The following ERGIC1 variants were observed in gnomAD, a reference collection of about 807,000 sequenced individuals.
ERGIC1 encodes endoplasmic reticulum-golgi intermediate compartment 1, also known as endoplasmic reticulum-Golgi intermediate compartment protein 1.
In ERGIC1, 19 loss-of-function variants were observed where a neutral mutation model predicts 38.3. The observed-to-expected ratio is 0.50, with a 90% CI of 0.35 to 0.73. ERGIC1 has a LOEUF of 0.73. Among genes scored for constraint, ERGIC1 ranks in the 30% least tolerant of loss-of-function variants. ERGIC1 has a pLI of 0.01. For missense variants in ERGIC1, 294 were observed against 389.2 expected (o/e 0.76, Z 2.06); for synonymous variants, 124 against 157.6 (o/e 0.79, Z 1.60).
chr5:172,874,972 C>A (rs1212423627), intron 1 of ERGIC1, among the ~76,000 whole-genome samples: 5 of 151,500 alleles, frequency 3.3e-5, no homozygotes, highest in Non-Finnish European at 7.4e-5. Context: ...AGCACAGGCT[C>A]CCCCGAGGAG....
At chr5:172,853,733 G>T (rs1327321702) in intron 1 of ERGIC1, among the ~76,000 whole-genome samples, 1 of 152,208 alleles carries the variant, frequency 6.6e-6, no homozygotes, top group African/African-American at 2.4e-5. Flanking sequence ...TTACAGTTCT[G>T]GGAGTGTGCT....
chr5:172,941,169 G>A (rs1210609520), intron 9 of ERGIC1, among the ~76,000 whole-genome samples: 1 of 152,102 alleles, frequency 6.6e-6, no homozygotes, highest in African/African-American at 2.4e-5. Flanking sequence ...CTACTGTGGA[G>A]GCTGAGGCAG....
At chr5:172,871,012 C>T (rs574658731) in intron 1 of ERGIC1, among the ~76,000 whole-genome samples, 1 of 152,360 alleles carries the variant, frequency 6.6e-6, no homozygotes, top group East Asian at 1.9e-4. Context: ...TTGAGGAATT[C>T]ACAGCTTTGA....
chr5:172,891,154 A>T (rs1762548863), intron 2 of ERGIC1, among the ~76,000 whole-genome samples: 1 of 152,090 alleles, frequency 6.6e-6, no homozygotes, highest in Non-Finnish European at 1.5e-5. Context: ...TTTTCTTCTC[A>T]CTGTCCTCCC....
rs1008260357 is a variant in ERGIC1 at position 172,926,045 on chromosome 5, GGACCCTGGGATCTCAGGAGAA to G, written c.481-463_481-443del. Among the ~76,000 whole-genome samples, 2 of 152,182 alleles carry G rather than the reference GGACCCTGGGATCTCAGGAGAA, an allele frequency of 1.3e-5. No individual in the cohort carries two copies. Among genetic ancestry groups the G allele is most frequent in the African/African-American group, 2.4e-5 (1 of 41,440 alleles). On this transcript the variant is annotated intron_variant, in intron 6 of 9. Coordinates refer to ENST00000393784, the MANE Select transcript of ERGIC1 (RefSeq NM_001031711.3). The surrounding 1 kb of genome is among the most constrained non-coding windows in gnomAD (Gnocchi z 5.2). ...TGGACTCCTCTATGGGCCTTTCAGA[GGACCCTGGGATCTCAGGAGAA>G]ACTTTCTGGGACCCAGAATCCATGT... is the stretch of plus-strand genomic sequence containing the variant.
At chr5:172,905,889 C>A (rs758539610) in intron 3 of ERGIC1, among the ~76,000 whole-genome samples, 9 of 152,190 alleles carry the variant, frequency 5.9e-5, no homozygotes, top group Non-Finnish European at 1.2e-4. Flanking sequence ...TGCTCTCAGG[C>A]GATAGCTGAT....
rs112418277 is a variant in ERGIC1 at position 172,881,975 on chromosome 5, A to T, written c.21-6724A>T. ...CATCACCGCAGCAAGGGACTGACTA[A>T]TGTCAGCCAGGGAGGACGGCTCACT... On this transcript the variant is annotated intron_variant, in intron 1 of 9. Transcript: ENST00000393784. Among the ~76,000 whole-genome samples the T allele has an allele frequency of 4.1e-3, 622 of 152,282 alleles. 6 individuals are homozygous for T. Among genetic ancestry groups the T allele is most frequent in the African/African-American group, 0.014 (595 of 41,528 alleles).
At chr5:172,900,452 A>G (rs1320187324) in intron 3 of ERGIC1, among the ~76,000 whole-genome samples, 1 of 152,090 alleles carries the variant, frequency 6.6e-6, no homozygotes, top group African/African-American at 2.4e-5. Flanking sequence ...CACACCTGTA[A>G]TCCCAGCACT....
chr5:172,894,132 CTTTTTTTTTTTTTT>C (rs781661227), intron 2 of ERGIC1, among the ~76,000 whole-genome samples: 1 of 10,506 alleles, frequency 9.5e-5, no homozygotes, highest in African/African-American at 3.5e-4. Flanking sequence ...GCTGATGATA[CTTTTTTTTTTTTTT>C]TTTTTTTTTT....
chr5:172,940,343 T>C (rs1221720824), intron 9 of ERGIC1, among the ~76,000 whole-genome samples: 1 of 152,186 alleles, frequency 6.6e-6, no homozygotes, highest in African/African-American at 2.4e-5. Flanking sequence ...CTCTGTGCTA[T>C]ATTAGAACAT....
intron 1 of ERGIC1, among the ~76,000 whole-genome samples, chr5:172,852,272 C>T (rs1199009955): frequency 6.6e-6 from 1 of 152,160 alleles, no homozygotes; most frequent in South Asian, 2.1e-4. Context: ...TTTTCGTTTT[C>T]CAAAACGCAG....
intron 1 of ERGIC1, among the ~76,000 whole-genome samples, chr5:172,870,572 C>A (rs916679771): frequency 6.6e-6 from 1 of 152,332 alleles, no homozygotes; most frequent in South Asian, 2.1e-4. Flanking sequence ...AAGGTGTTTC[C>A]TCTCTATGAA....
chr5:172,882,446 AC>A (rs1383012314), intron 1 of ERGIC1, among the ~76,000 whole-genome samples: 8 of 152,286 alleles, frequency 5.3e-5, no homozygotes, highest in Admixed American at 1.3e-4. Flanking sequence ...CATCTGATTT[AC>A]CAAAAAATGA....
At chr5:172,914,504 C>A in intron 4 of ERGIC1, 1 of 743,362 alleles carries the variant, frequency 1.3e-6, no homozygotes, top group South Asian at 1.7e-5. Context: ...CCCCGGGACC[C>A]CTACTATGCA....
At chr5:172,917,590 C>T (rs1274061549) in intron 5 of ERGIC1, 1 of 152,112 alleles carries the variant, frequency 6.6e-6, no homozygotes, top group African/African-American at 2.4e-5. Context: ...TACGGAGAGG[C>T]TGTAGATCCG....
chr5:172,907,095 T>A (rs1353642294), intron 3 of ERGIC1, among the ~76,000 whole-genome samples: 5 of 152,052 alleles, frequency 3.3e-5, no homozygotes, highest in Non-Finnish European at 4.4e-5. Flanking sequence ...TCTACGTGGG[T>A]TCCTACAGCC....
At chr5:172,903,850 T>TGAACCCTGGTAGCCTAGGCTTC (rs1299430336) in intron 3 of ERGIC1, among the ~76,000 whole-genome samples, 39 of 151,872 alleles carry the variant, frequency 2.6e-4, no homozygotes, top group African/African-American at 6.8e-4. Flanking sequence ...GCCTAGGCTT[T>TGAACCCTGGTAGCCTAGGCTTC]GAACCCTGGT....
chr5:172,923,862 C>A, intron 5 of ERGIC1, 143 bp from the exon 6 acceptor site: 2 of 729,218 alleles, frequency 2.7e-6, no homozygotes. Context: ...GACTCCTTTG[C>A]ACAGTTGAAA....
At chr5:172,869,583 C>A (rs188094409) in intron 1 of ERGIC1, among the ~76,000 whole-genome samples, 2 of 152,170 alleles carry the variant, frequency 1.3e-5, no homozygotes, top group South Asian at 2.1e-4. Context: ...TTCAGACTCT[C>A]CTTGCTATTT....
Sources: gnomAD v4.1 joint callset for allele counts (sites outside exome capture counted in the v4.1 genomes callset) on GRCh38, gnomAD v4.1.1 for gene constraint, Gnocchi (gnomAD v3.1) non-coding constraint, MANE v1.5 for transcripts, NCBI Gene and HGNC (gene_info 2026-07-23, HGNC 2026-07-21) for gene names.